SND1: variants seen among roughly 807,000 people sequenced by gnomAD.
SND1 encodes staphylococcal nuclease domain-containing protein 1.
A neutral mutation model predicts 121.7 loss-of-function variants in SND1; 38 were observed. The observed-to-expected ratio is 0.31, with a 90% confidence interval of 0.24 to 0.41. The LOEUF (loss-of-function observed/expected upper bound fraction) is 0.41, where lower values mean the gene tolerates loss of function less well. Ranked by LOEUF, SND1 falls within the 10% of genes least tolerant of loss-of-function variation. SND1 has a pLI of 1.00. For missense variants in SND1, 868 were observed against 1,184.6 expected (o/e 0.73, Z 3.92); for synonymous variants, 401 against 447.4 (o/e 0.90, Z 1.31).
At chr7:128,006,227 GGTGC>G (rs200202031) in intron 16 of SND1, among the ~76,000 whole-genome samples, 30 of 152,056 alleles carry the variant, frequency 2.0e-4, no homozygotes, top group East Asian at 5.8e-4. Context: ...GCATGGGAAG[GGTGC>G]GTGCGTGCGT....
intron 11 of SND1, among the ~76,000 whole-genome samples, chr7:127,830,332 G>A (rs1475305849): frequency 6.6e-6 from 1 of 152,188 alleles, no homozygotes; most frequent in African/African-American, 2.4e-5. Context: ...GCAGTGAGCC[G>A]AGATTGTGCC....
intron 10 of SND1, among the ~76,000 whole-genome samples, chr7:127,764,416 G>A (rs1797373080): frequency 6.6e-6 from 1 of 152,106 alleles, no homozygotes; most frequent in Admixed American, 6.6e-5. Context: ...GGCTTTTCAT[G>A]GTCCTTAACT....
chr7:127,894,054 C>T (rs1366541243), intron 13 of SND1, among the ~76,000 whole-genome samples: 1 of 152,046 alleles, frequency 6.6e-6, no homozygotes, highest in African/African-American at 2.4e-5. Context: ...CTGTCACAGA[C>T]TTTAGTCAAA....
At chr7:127,979,612 T>G (rs1230485381) in intron 15 of SND1, among the ~76,000 whole-genome samples, 1 of 152,116 alleles carries the variant, frequency 6.6e-6, no homozygotes, top group Non-Finnish European at 1.5e-5. Flanking sequence ...GGTTGTTTAC[T>G]GAAACTAGGG....
rs901833650 is a variant in SND1, at chr7:128,030,779, G to C, written c.1779+39723G>C. The C allele has an allele frequency of 2.8e-5, 31 of 1,120,300 alleles. No homozygotes were observed. In the South Asian group the frequency reaches 5.1e-4, roughly 18 times the overall value. The allele number at this position is 1,120,300 out of a possible 1,614,324, so 69.4% of individuals were successfully genotyped here. ...TGGGGAGGGGGCGATTAGAGAGACG[G>C]AGCGGATCGGCCGAAAAAAATCCTG... On this transcript the variant is annotated intron_variant, in intron 16 of 23. Transcript: ENST00000354725.
chr7:127,743,765 C>T (rs1289242392), intron 10 of SND1, among the ~76,000 whole-genome samples: 1 of 152,108 alleles, frequency 6.6e-6, no homozygotes, highest in Non-Finnish European at 1.5e-5. Context: ...ATGTTTTTGG[C>T]TTAAACTATG....
At chr7:127,849,784 C>T (rs529539203) in intron 12 of SND1, among the ~76,000 whole-genome samples, 10 of 152,330 alleles carry the variant, frequency 6.6e-5, no homozygotes, top group Non-Finnish European at 1.3e-4. Flanking sequence ...TATTTTCCTT[C>T]TGTTGCTTCC....
chr7:127,724,595 G>A (rs1428802879), intron 10 of SND1, among the ~76,000 whole-genome samples: 4 of 152,320 alleles, frequency 2.6e-5, no homozygotes, highest in Middle Eastern at 3.4e-3. Context: ...TAAGAAATGG[G>A]CCTGGGAGTT....
intron 10 of SND1, among the ~76,000 whole-genome samples, chr7:127,748,423 G>C (rs1273079954): frequency 6.6e-6 from 1 of 152,124 alleles, no homozygotes; most frequent in Non-Finnish European, 1.5e-5. Flanking sequence ...GTCTGAATTG[G>C]TAGTCATGAA....
intron 12 of SND1, among the ~76,000 whole-genome samples, chr7:127,845,479 C>T (rs577245463): frequency 2.0e-5 from 3 of 152,334 alleles, no homozygotes; most frequent in East Asian, 1.9e-4. Flanking sequence ...TTGTTAGAAG[C>T]AGGTTCTTGA....
chr7:127,677,791 AT>A (rs1394828087), intron 1 of SND1, among the ~76,000 whole-genome samples: 3 of 152,244 alleles, frequency 2.0e-5, no homozygotes, highest in African/African-American at 7.2e-5. Context: ...CCTTTTAAAA[AT>A]GTAAAAACCA....
In SND1 at chr7:127,701,460, A is replaced by G. The variant is rs1035490663; in HGVS notation, c.589+137A>G. On this transcript the variant is annotated intron_variant, in intron 5 of 23. Coordinates refer to ENST00000354725, the MANE Select transcript of SND1 (RefSeq NM_014390.4). Reference sequence around the variant, plus strand: ...ATCCATGGGAAATCCTTAAGGTTAAAACAGCACCTTAGTATTTCAGAAGGG... The same window carrying G: ...ATCCATGGGAAATCCTTAAGGTTAAGACAGCACCTTAGTATTTCAGAAGGG... 3 of 836,338 alleles carry G rather than the reference A, an allele frequency of 3.6e-6. No individual in the cohort carries two copies. The African/African-American group carries it at 5.2e-5, about 14-fold the overall frequency. 51.8% of individuals were successfully genotyped at this position (836,338 alleles called of 1,614,324 possible). A position where few individuals can be genotyped will look rare whatever the true frequency, so the allele number is the denominator to read the frequency against.
Position 128,029,053 on chromosome 7 carries a change from T to C in SND1, c.1779+37997T>C, listed in dbSNP as rs1418872092. On this transcript the variant is annotated intron_variant, in intron 16 of 23. Coordinates refer to ENST00000354725, the MANE Select transcript of SND1 (RefSeq NM_014390.4). This position sits in a 1 kb window ranked among gnomAD's most constrained non-coding sequence, Gnocchi z 4.2. The stretch of plus-strand genomic sequence containing the variant: ...AGAGTCACTGCCACAAAGCAGCCAA[T>C]GATGATCTTGGTGGTCTTCATGACT... The C allele has an allele frequency of 1.2e-6, 2 of 1,614,128 alleles. No homozygotes were observed. Among genetic ancestry groups the C allele is most frequent in the Non-Finnish European group, 1.7e-6 (2 of 1,180,012 alleles).
chr7:128,085,246 A>T lies in SND1; in HGVS notation c.2234+399A>T, dbSNP rs1793670014. On this transcript the variant is annotated intron_variant, in intron 19 of 23. Transcript: ENST00000354725. The surrounding 1 kb of genome is among the most constrained non-coding windows in gnomAD (Gnocchi z 4.4). ...GCCCGACCCTCTTCCCCGGCTGTCT[A>T]GGACATGAGCAGCAGTGCTCACAGG... Among the ~76,000 whole-genome samples the T allele has an allele frequency of 1.3e-5, 2 of 152,170 alleles. No homozygotes were observed. Among genetic ancestry groups the T allele is most frequent in the Admixed American group, 6.5e-5 (1 of 15,290 alleles).
intron 12 of SND1, among the ~76,000 whole-genome samples, chr7:127,866,465 C>CT (rs1404791849): frequency 1.3e-5 from 2 of 152,098 alleles, no homozygotes; most frequent in Non-Finnish European, 2.9e-5. Flanking sequence ...CTAGGTGTTC[C>CT]TTGGGGTATT....
chr7:127,805,747 T>A (rs1798224985), intron 10 of SND1, among the ~76,000 whole-genome samples: 1 of 152,232 alleles, frequency 6.6e-6, no homozygotes, highest in African/African-American at 2.4e-5. Context: ...ATATCTGCTT[T>A]GAGTACAGTT....
At chr7:127,770,791 A>G (rs920758194) in intron 10 of SND1, among the ~76,000 whole-genome samples, 1 of 152,172 alleles carries the variant, frequency 6.6e-6, no homozygotes, top group Non-Finnish European at 1.5e-5. Flanking sequence ...TTGCTATTTC[A>G]TGCCATACAC....
intron 12 of SND1, among the ~76,000 whole-genome samples, chr7:127,867,420 A>G (rs949698512): frequency 1.3e-4 from 20 of 152,076 alleles, no homozygotes; most frequent in South Asian, 8.3e-4. Flanking sequence ...ACCACTATTC[A>G]GTCTCTGGGT....
chr7:128,009,682 A>G (rs1260901530), intron 16 of SND1, among the ~76,000 whole-genome samples: 2 of 152,136 alleles, frequency 1.3e-5, no homozygotes, highest in African/African-American at 2.4e-5. Context: ...TCCCCTGCAC[A>G]TTGTGCATTC....
Sources: allele counts gnomAD v4.1 joint callset (sites outside exome capture counted in the v4.1 genomes callset), GRCh38; gene constraint gnomAD v4.1.1; non-coding constraint Gnocchi (gnomAD v3.1); transcripts MANE v1.5; gene names NCBI Gene and HGNC (gene_info 2026-07-23, HGNC 2026-07-21).